TXNDC11: variants seen among roughly 807,000 people sequenced by gnomAD.
The protein encoded by TXNDC11 is thioredoxin domain containing 11, also known as thioredoxin domain-containing protein 11.
TXNDC11 carries 68 observed loss-of-function variants against 78.0 expected under a neutral mutation model. The observed-to-expected ratio is 0.87, with a 90% CI of 0.72 to 1.07. TXNDC11 has a LOEUF of 1.07. Ranked by LOEUF, TXNDC11 falls within the 50% of genes least tolerant of loss-of-function variation. TXNDC11 has a pLI of 0.00. For synonymous variants in TXNDC11, 571 were observed against 495.2 expected (o/e 1.15, Z -2.03); for missense variants, 1,389 against 1,221.8 (o/e 1.14, Z -2.04).
chr16:11,693,542 A>C (rs1464760047), intron 7 of TXNDC11, among the ~76,000 whole-genome samples: 2 of 151,646 alleles, frequency 1.3e-5, no homozygotes, highest in Non-Finnish European at 2.9e-5. Flanking sequence ...AAGTTTTATA[A>C]AAATAAAAAT....
At chr16:11,708,119 G>T (rs1389333069) in intron 5 of TXNDC11, among the ~76,000 whole-genome samples, 3 of 152,122 alleles carry the variant, frequency 2.0e-5, no homozygotes, top group African/African-American at 7.2e-5. Context: ...TTTTAAATTA[G>T]CTATGTGGTT....
intron 7 of TXNDC11, among the ~76,000 whole-genome samples, chr16:11,696,491 T>G (rs7204241): frequency 0.087 from 13,225 of 152,196 alleles, 1,212 homozygotes; most frequent in African/African-American, 0.22. Context: ...CTATCCTTTC[T>G]CCCCTGGAGC....
chr16:11,709,414 A>ATTT (rs2051273904), intron 5 of TXNDC11, among the ~76,000 whole-genome samples: 1 of 130,658 alleles, frequency 7.7e-6, no homozygotes, highest in Non-Finnish European at 1.6e-5. Context: ...TGCGTAGCTA[A>ATTT]TTTTTTGTAT....
chr16:11,698,797 G>C (rs909715722), intron 6 of TXNDC11, among the ~76,000 whole-genome samples: 8 of 152,232 alleles, frequency 5.3e-5, no homozygotes, highest in Non-Finnish European at 1.2e-4. Flanking sequence ...GGCACAGGCT[G>C]TCTGTTCTGC....
At chr16:11,684,746 C>T (rs1316485829) in intron 10 of TXNDC11, among the ~76,000 whole-genome samples, 2 of 152,192 alleles carry the variant, frequency 1.3e-5, no homozygotes, top group African/African-American at 4.8e-5. Flanking sequence ...CTAACTCACC[C>T]AGCCTGTGCT....
intron 4 of TXNDC11, among the ~76,000 whole-genome samples, chr16:11,725,358 GAA>G (rs36072638): frequency 4.6e-4 from 66 of 144,016 alleles, no homozygotes; most frequent in Non-Finnish European, 4.7e-4. Flanking sequence ...TATTCATTTA[GAA>G]AAAAAAAAAA....
At chr16:11,701,985 C>G (rs989071452) in intron 5 of TXNDC11, among the ~76,000 whole-genome samples, 9 of 146,488 alleles carry the variant, frequency 6.1e-5, no homozygotes, top group African/African-American at 2.3e-4. Context: ...CTATACACCA[C>G]AAACAGAGGC....
intron 7 of TXNDC11, among the ~76,000 whole-genome samples, chr16:11,697,377 G>A (rs565184101): frequency 9.2e-5 from 14 of 152,276 alleles, no homozygotes; most frequent in African/African-American, 3.4e-4. Flanking sequence ...AGGGATCCTT[G>A]AGGGAGTGAA....
At chr16:11,688,491 G>A in intron 8 of TXNDC11, 46 bp from the exon 9 acceptor site, 1 of 1,466,988 alleles carries the variant, frequency 6.8e-7, no homozygotes, top group Non-Finnish European at 9.2e-7. Context: ...TAGATACAAA[G>A]AGAATAGCTG....
At chr16:11,692,840 CT>C (rs1371754970) in intron 7 of TXNDC11, among the ~76,000 whole-genome samples, 2 of 152,174 alleles carry the variant, frequency 1.3e-5, no homozygotes, top group East Asian at 3.9e-4. Flanking sequence ...CAGTCTCACC[CT>C]ACCCTCTTCA....
intron 4 of TXNDC11, among the ~76,000 whole-genome samples, chr16:11,724,690 G>A (rs2051821184): frequency 6.6e-6 from 1 of 152,142 alleles, no homozygotes. Context: ...AAATTGGCAG[G>A]AAGAACATTC....
At position 11,691,319 on chromosome 16, in the gene TXNDC11, G is replaced by C; in HGVS notation, c.1871C>G (p.Pro624Arg). The change falls in exon 8 of 12, where the codon CCA (proline) becomes CGA (arginine). Residue 624 changes from proline (P) to arginine (R), a missense_variant. Transcript: ENST00000283033. ...VKEESHYILD[P>R]KQALMKLTLE... ...GGTGAGCTTCATCAGTGCTTGCTTT[G>C]GATCCAAGATGTAATGAGATTCTTC... 1 of 1,613,970 alleles carries C rather than the reference G, an allele frequency of 6.2e-7. No homozygotes were observed. Among genetic ancestry groups the C allele is most frequent in the Middle Eastern group, 1.6e-4 (1 of 6,062 alleles).
chr16:11,679,449 G>T lies in TXNDC11; in HGVS notation c.2623C>A (p.Arg875Ser), dbSNP rs768195000. The change falls in exon 12 of 12, where the codon CGC becomes AGC. Residue 875 changes from arginine to serine, a missense_variant. Transcript: ENST00000283033. The surrounding 1 kb of genome is among the most constrained non-coding windows in gnomAD (Gnocchi z 4.6). ...QKTRELQELA[R>S]KLQELADASE... ...GCATCGGCCAGCTCCTGCAGCTTGC[G>T]GGCCAGCTCCTGCAGCTCACGTGTC... The T allele has an allele frequency of 6.2e-6, 10 of 1,613,444 alleles. No individual in the cohort carries two copies. Among genetic ancestry groups the T allele is most frequent in the African/African-American group, 1.3e-5 (1 of 75,012 alleles).
intron 5 of TXNDC11, among the ~76,000 whole-genome samples, chr16:11,703,118 C>T (rs575728208): frequency 1.3e-5 from 2 of 152,144 alleles, no homozygotes; most frequent in African/African-American, 2.4e-5. Context: ...TAAAACCAAG[C>T]GAGATGTGGC....
Position 11,684,206 on chromosome 16 carries a change from C to A in TXNDC11, c.2193G>T (p.Met731Ile). ...ACAAGACAGTAGGAAGACGATCGAC[C>A]ATAAATTCCCAAGGAAGGTCATTCT... ...VSQNDLPWEF[M>I]VDRLPTVLFF... The change falls in exon 11 of 12, where the codon ATG (methionine) becomes ATT (isoleucine). Residue 731 changes from methionine (M) to isoleucine (I), a missense_variant. By Grantham distance (10) the Met-to-Ile change is conservative. Coordinates refer to ENST00000283033, the MANE Select transcript of TXNDC11 (RefSeq NM_015914.7). 6.2e-7 allele frequency: 1 copy of A among 1,613,800 alleles called. No homozygotes were observed. The highest frequency in any genetic ancestry group is 1.1e-5 in the South Asian group (1 of 91,058).
chr16:11,703,724 C>A, intron 5 of TXNDC11: 1 of 701,874 alleles, frequency 1.4e-6, no homozygotes, highest in Non-Finnish European at 2.6e-6. Flanking sequence ...GAAACCAGGG[C>A]CCTTGGAGAA....
In TXNDC11 at chr16:11,721,570, T is replaced by G. The variant is rs2051708073; in HGVS notation, c.793+7A>C. 2 of 1,559,368 alleles carry G rather than the reference T, an allele frequency of 1.3e-6. No homozygotes were observed. Among genetic ancestry groups the G allele is most frequent in the Non-Finnish European group, 8.8e-7 (1 of 1,133,126 alleles). ...GTAACAATGTCTTAATATGAATCAT[T>G]TTTTACCTTTCTTTAATGAATGTAA... On this transcript the variant is annotated splice_region_variant and intron_variant, in intron 5 of 11. Transcript: ENST00000283033.
chr16:11,738,470 G>A (rs1376462919), intron 1 of TXNDC11, among the ~76,000 whole-genome samples: 1 of 152,212 alleles, frequency 6.6e-6, no homozygotes, highest in African/African-American at 2.4e-5. Flanking sequence ...GAGGAAGACA[G>A]GAAAAACATC....
intron 5 of TXNDC11, among the ~76,000 whole-genome samples, chr16:11,709,833 G>A (rs963626093): frequency 5.3e-5 from 8 of 152,132 alleles, no homozygotes; most frequent in African/African-American, 9.7e-5. Flanking sequence ...TACTAAATAC[G>A]CATTGTTACA....
Sources: allele counts gnomAD v4.1 joint callset (sites outside exome capture counted in the v4.1 genomes callset), GRCh38; gene constraint gnomAD v4.1.1; non-coding constraint Gnocchi (gnomAD v3.1); transcripts MANE v1.5; gene names NCBI Gene and HGNC (gene_info 2026-07-23, HGNC 2026-07-21).